The following MOB3A variants were observed in gnomAD, a reference collection of about 807,000 sequenced individuals.
MOB3A encodes MOB kinase activator 3A.
A neutral mutation model predicts 17.8 loss-of-function variants in MOB3A; 17 were observed. The ratio of observed to expected loss-of-function variants is 0.95; its 90% confidence interval spans 0.65 to 1.43. The LOEUF is 1.43. Ranked by LOEUF, MOB3A falls within the 40% of genes most tolerant of loss-of-function variation. The pLI is 0.00. For missense variants in MOB3A, 333 were observed against 310.8 expected, an observed-to-expected ratio of 1.07 and a Z score of -0.54; for synonymous variants, 124 against 133.2, an observed-to-expected ratio of 0.93 and a Z score of 0.48.
Position 2,072,599 on chromosome 19 carries a change from CG to C in MOB3A, c.*795del, listed in dbSNP as rs1031550927. 7 of 152,034 alleles carry C rather than the reference CG, an allele frequency of 4.6e-5. No homozygotes were observed. The highest frequency in any genetic ancestry group is 4.6e-4 in the Admixed American group (7 of 15,242). The allele number at this position is 152,034 out of a possible 1,614,324, so 9.4% of individuals were successfully genotyped here. A position where few individuals can be genotyped will look rare whatever the true frequency, so the allele number is the denominator to read the frequency against. ...CCTGGATACAGTCAGCTGAATGTTT[CG>C]GAAGAACGGAAGAAGCAGAGTGCAT... is the stretch of plus-strand genomic sequence containing the variant. On this transcript the variant is annotated 3_prime_UTR_variant, in exon 5 of 5. Coordinates refer to ENST00000357066, the MANE Select transcript of MOB3A (RefSeq NM_130807.3).
rs551788416 is a variant in MOB3A at position 2,093,424 on chromosome 19, G to A, written c.-274+2802C>T. ...AAGGCAAATCCGACTTCAGAAACGG[G>A]ATTCTGGGAGGAGGCCTTCACTTCT... On this transcript the variant is annotated intron_variant, in intron 1 of 4. Coordinates refer to ENST00000357066, the MANE Select transcript of MOB3A (RefSeq NM_130807.3). This position sits in a 1 kb window ranked among gnomAD's most constrained non-coding sequence, Gnocchi z 4.6. 1.3e-5 allele frequency among the ~76,000 whole-genome samples: 2 copies of A among 152,174 alleles called. No homozygotes were observed. The highest frequency in any genetic ancestry group is 2.9e-5 in the Non-Finnish European group (2 of 68,046).
In MOB3A at chr19:2,078,434, GC is replaced by G; in HGVS notation, c.126del (p.Leu43TrpfsTer15). On this transcript the variant is annotated frameshift_variant, in exon 3 of 5. Coordinates refer to ENST00000357066, the MANE Select transcript of MOB3A (RefSeq NM_130807.3). LOFTEE classifies it high-confidence loss of function. Reference protein sequence around the residue: ...HKKAQASLNAGLDLRLAVQLP... With the variant: ...HKKAQASLNAXLDLRLAVQLP... ...AACTGCACGGCCAGCCGCAGGTCCAGCCCGGCGTTCAGCGACGCCTGCGCCT... is the reference window on the plus strand; with the variant it reads ...AACTGCACGGCCAGCCGCAGGTCCAGCCGGCGTTCAGCGACGCCTGCGCCT... 1 of 1,613,796 alleles carries G rather than the reference GC, an allele frequency of 6.2e-7. No individual in the cohort carries two copies.
rs571241244 is a variant in MOB3A, at chr19:2,093,485, C to T, written c.-274+2741G>A. 1.3e-5 allele frequency among the ~76,000 whole-genome samples: 2 copies of T among 152,180 alleles called. No individual in the cohort carries two copies. Among genetic ancestry groups the T allele is most frequent in the Non-Finnish European group, 2.9e-5 (2 of 68,032 alleles). On this transcript the variant is annotated intron_variant, in intron 1 of 4. Transcript: ENST00000357066. This position sits in a 1 kb window ranked among gnomAD's most constrained non-coding sequence, Gnocchi z 4.6. ...ATCCCAGAGAAGTCTCTGGAACACA[C>T]AGTGGGTGGCTGTGGTCCAGCGTGT... is the stretch of plus-strand genomic sequence containing the variant.
intron 4 of MOB3A, among the ~76,000 whole-genome samples, chr19:2,073,848 C>G (rs561903326): frequency 6.6e-6 from 1 of 152,012 alleles, no homozygotes; most frequent in African/African-American, 2.4e-5. Flanking sequence ...CTGGATAACA[C>G]GGTGAAATCC....
chr19:2,078,456 C>T lies in MOB3A; in HGVS notation c.105G>A (p.Ala35=), dbSNP rs375342599. ...GTQRFELHKK[A]QASLNAGLDL... ...CCAGCCCGGCGTTCAGCGACGCCTG[C>T]GCCTTCTTGTGCAGCTCGAAGCGCT... Residue 35 remains alanine, a synonymous_variant, in exon 3 of 5, where the codon GCG becomes GCA. Coordinates refer to ENST00000357066, the MANE Select transcript of MOB3A (RefSeq NM_130807.3). The T allele has an allele frequency of 7.4e-5, 120 of 1,613,234 alleles. 4 individuals carry two copies. In the African/African-American group the frequency reaches 1.0e-3, roughly 14 times the overall value.
rs903091546 is a variant in MOB3A, at chr19:2,093,814, G to A, written c.-274+2412C>T. 5.9e-5 allele frequency among the ~76,000 whole-genome samples: 9 copies of A among 152,166 alleles called. No individual in the cohort carries two copies. Among genetic ancestry groups the A allele is most frequent in the Non-Finnish European group, 1.3e-4 (9 of 68,032 alleles). ...AGGTGGGTGCCTGTGTCGTCCCTGG[G>A]GAAAGGGAAACACATCCAGGGGGTC... On this transcript the variant is annotated intron_variant, in intron 1 of 4. Transcript: ENST00000357066. This position sits in a 1 kb window ranked among gnomAD's most constrained non-coding sequence, Gnocchi z 4.6.
rs2017505117 is a variant in MOB3A, at chr19:2,082,752, C to G, written c.-120+2423G>C. ...TGCTCCAAGTCCAGGGACTGCTGAC[C>G]CATCTTGGTTTTGCTCGGCGGGGCA... On this transcript the variant is annotated intron_variant, in intron 2 of 4. Coordinates refer to ENST00000357066, the MANE Select transcript of MOB3A (RefSeq NM_130807.3). The surrounding 1 kb of genome is among the most constrained non-coding windows in gnomAD (Gnocchi z 4.1). Among the ~76,000 whole-genome samples the G allele has an allele frequency of 6.6e-6, 1 of 152,270 alleles. No homozygotes were observed. The highest frequency in any genetic ancestry group is 1.9e-4 in the East Asian group (1 of 5,184).
chr19:2,077,788 CT>C (rs775160001), intron 3 of MOB3A, among the ~76,000 whole-genome samples: 511 of 143,728 alleles, frequency 3.6e-3, no homozygotes, highest in South Asian at 4.2e-3. Flanking sequence ...AAATGGAATC[CT>C]TTTTTTTTTT....
chr19:2,087,637 A>G (rs933216492), intron 1 of MOB3A, among the ~76,000 whole-genome samples: 4 of 152,230 alleles, frequency 2.6e-5, no homozygotes, highest in African/African-American at 9.7e-5. Context: ...CCTGGGGGAC[A>G]AAGTAAGACC....
At chr19:2,075,138 C>T (rs1362673160) in intron 4 of MOB3A, among the ~76,000 whole-genome samples, 2 of 151,984 alleles carry the variant, frequency 1.3e-5, no homozygotes, top group African/African-American at 2.4e-5. Context: ...AAGCAATTCT[C>T]CTGTCTCAGC....
chr19:2,093,167 T>G lies in MOB3A; in HGVS notation c.-274+3059A>C, dbSNP rs1032823247. On this transcript the variant is annotated intron_variant, in intron 1 of 4. Transcript: ENST00000357066. The surrounding 1 kb of genome is among the most constrained non-coding windows in gnomAD (Gnocchi z 4.6). ...GATACCTCCTTGGAAGGGAATTTTTTTTTTTTTCGAGACGTTGTCTTACTC... is the reference window on the plus strand; with the variant it reads ...GATACCTCCTTGGAAGGGAATTTTTGTTTTTTTCGAGACGTTGTCTTACTC... Among the ~76,000 whole-genome samples, 5 of 152,048 alleles carry G rather than the reference T, an allele frequency of 3.3e-5. No homozygotes were observed. The highest frequency in any genetic ancestry group is 7.4e-5 in the Non-Finnish European group (5 of 68,000).
rs1439932591 is a variant in MOB3A at position 2,077,028 on chromosome 19, G to A, written c.422-15C>T. ...AAACGGAGTGCCTGCAGGGAGAGGG[G>A]TGGGACGGGTCCACGGACTCAGCCA... On this transcript the variant is annotated splice_polypyrimidine_tract_variant and intron_variant, in intron 3 of 4. Transcript: ENST00000357066. The A allele has an allele frequency of 1.2e-5, 20 of 1,608,752 alleles. No individual in the cohort carries two copies. The highest frequency in any genetic ancestry group is 2.2e-5 in the East Asian group (1 of 44,756).
intron 4 of MOB3A, 81 bp from the exon 5 acceptor site, chr19:2,073,505 A>G (rs536787976): frequency 1.9e-6 from 3 of 1,589,288 alleles, no homozygotes; most frequent in African/African-American, 1.3e-5. Context: ...ACGGAGACGC[A>G]CAGGCAGAGA....
chr19:2,092,727 C>T (rs1240359341), intron 1 of MOB3A, among the ~76,000 whole-genome samples: 1 of 123,466 alleles, frequency 8.1e-6, no homozygotes, highest in African/African-American at 3.4e-5. Flanking sequence ...CACTGCACTC[C>T]AGCCTGGGCA....
rs1349750888 is a variant in MOB3A at position 2,076,695 on chromosome 19, G to C, written c.624+116C>G. On this transcript the variant is annotated intron_variant, in intron 4 of 4. Transcript: ENST00000357066. ...TCCCCGGGGCCCAACTCCAGCCGGG[G>C]CCGCCAGCTGCTGGGCCGACCGCAA... 7 of 1,052,572 alleles carry C rather than the reference G, an allele frequency of 6.7e-6. No homozygotes were observed. The East Asian group carries it at 1.6e-4, about 24-fold the overall frequency. The allele number at this position is 1,052,572 out of a possible 1,614,324, so 65.2% of individuals were successfully genotyped here. A position where few individuals can be genotyped will look rare whatever the true frequency, so the allele number is the denominator to read the frequency against.
chr19:2,075,712 G>A (rs949022536), intron 4 of MOB3A, among the ~76,000 whole-genome samples: 2 of 152,138 alleles, frequency 1.3e-5, no homozygotes, highest in African/African-American at 4.8e-5. Flanking sequence ...TGGCTTCAGG[G>A]ATGTGGACCC....
Position 2,077,615 on chromosome 19 carries a change from T to C in MOB3A, c.421+525A>G, listed in dbSNP as rs115766486. On this transcript the variant is annotated intron_variant, in intron 3 of 4. Coordinates refer to ENST00000357066, the MANE Select transcript of MOB3A (RefSeq NM_130807.3). ...GTGATTCTGAAACCACTGAGAACAC[T>C]GGGCCCAGCACTGGCAGGGGTGCTT... is the stretch of plus-strand genomic sequence containing the variant. 7.1e-3 allele frequency among the ~76,000 whole-genome samples: 1,077 copies of C among 152,006 alleles called. 10 individuals carry two copies. Among genetic ancestry groups the C allele is most frequent in the African/African-American group, 0.025 (1,038 of 41,448 alleles).
intron 2 of MOB3A, among the ~76,000 whole-genome samples, chr19:2,079,511 G>A (rs2017459786): frequency 6.6e-6 from 1 of 152,214 alleles, no homozygotes; most frequent in South Asian, 2.1e-4. Context: ...CAGAGATGGG[G>A]GTGCTGCTTC....
chr19:2,073,314 G>T lies in MOB3A; in HGVS notation c.*81C>A, dbSNP rs896505805. 2.8e-5 allele frequency: 44 copies of T among 1,552,380 alleles called. 1 individual carries two copies. The highest frequency in any genetic ancestry group is 3.7e-5 in the Non-Finnish European group (42 of 1,129,502). ...TGAGATGCTCAGGCCGGAGAGAAGC[G>T]GGATGATGGTTCCAGAGCGTCCTCC... On this transcript the variant is annotated 3_prime_UTR_variant, in exon 5 of 5. Transcript: ENST00000357066.
Sources: gnomAD v4.1 joint callset for allele counts (sites outside exome capture counted in the v4.1 genomes callset) on GRCh38, gnomAD v4.1.1 for gene constraint, Gnocchi (gnomAD v3.1) non-coding constraint, MANE v1.5 for transcripts, NCBI Gene and HGNC (gene_info 2026-07-23, HGNC 2026-07-21) for gene names.